Variants in TMEM266 observed in about 807,000 individuals in gnomAD.
TMEM266 encodes transmembrane protein 266.
In TMEM266, 33 loss-of-function variants were observed where a neutral mutation model predicts 50.5. That is an observed-to-expected ratio of 0.65 (90% CI 0.50 to 0.87). The LOEUF (loss-of-function observed/expected upper bound fraction) is 0.87, where lower values mean the gene tolerates loss of function less well. TMEM266 is among the 40% of genes least tolerant of loss of function. The pLI, the probability that TMEM266 is intolerant of heterozygous loss-of-function variation, is 0.00. For missense variants in TMEM266, 655 were observed against 695.1 expected (o/e 0.94, Z 0.65); for synonymous variants, 310 against 292.3 (o/e 1.06, Z -0.62).
At chr15:76,185,323 C>T (rs997811216) in intron 8 of TMEM266, among the ~76,000 whole-genome samples, 3 of 152,012 alleles carry the variant, frequency 2.0e-5, no homozygotes, top group Admixed American at 6.5e-5. Context: ...TCTCTCTCTC[C>T]CTGTCTCCTT....
rs970714069 is a variant in TMEM266, at chr15:76,160,298, G to A, written c.456+130G>A. On this transcript the variant is annotated intron_variant, in intron 5 of 10. Coordinates refer to ENST00000388942, the MANE Select transcript of TMEM266 (RefSeq NM_152335.3). The surrounding 1 kb of genome is among the most constrained non-coding windows in gnomAD (Gnocchi z 5.7). ...TAGCCCTTGAGGCTGCTGGGAGGGA[G>A]ACACAATATAGATAGATGATCTCTG... The A allele has an allele frequency of 9.7e-6, 9 of 928,922 alleles. No homozygotes were observed. Among genetic ancestry groups the A allele is most frequent in the Non-Finnish European group, 1.5e-5 (9 of 584,468 alleles). 57.5% of individuals were successfully genotyped at this position (928,922 alleles called of 1,614,324 possible).
chr15:76,194,291 T>C (rs747041689), intron 9 of TMEM266, among the ~76,000 whole-genome samples: 4 of 152,242 alleles, frequency 2.6e-5, no homozygotes, highest in Non-Finnish European at 5.9e-5. Context: ...CCATCGCCAA[T>C]TCCTGATTAG....
intron 7 of TMEM266, among the ~76,000 whole-genome samples, chr15:76,172,039 C>T (rs34154477): frequency 0.15 from 23,166 of 152,044 alleles, 2,374 homozygotes; most frequent in Admixed American, 0.27. Context: ...GAGGACAGGA[C>T]GAAGAGGCCC....
At chr15:76,102,382 G>A (rs1010456285) in intron 1 of TMEM266, among the ~76,000 whole-genome samples, 1 of 152,098 alleles carries the variant, frequency 6.6e-6, no homozygotes, top group African/African-American at 2.4e-5. Flanking sequence ...TGGGCGGGGT[G>A]GCTGCTATTT....
chr15:76,064,501 G>A (rs2036373939), intron 1 of TMEM266, among the ~76,000 whole-genome samples: 1 of 152,194 alleles, frequency 6.6e-6, no homozygotes, highest in South Asian at 2.1e-4. Flanking sequence ...ACTACACTGG[G>A]ATGCTAAAGG....
At chr15:76,108,152 C>A (rs1225089048) in intron 1 of TMEM266, among the ~76,000 whole-genome samples, 3 of 152,248 alleles carry the variant, frequency 2.0e-5, no homozygotes, top group Non-Finnish European at 4.4e-5. Flanking sequence ...CAGGGTCATG[C>A]TCTGTCGTGA....
At chr15:76,149,798 T>A (rs1284130420) in intron 3 of TMEM266, among the ~76,000 whole-genome samples, 1 of 152,226 alleles carries the variant, frequency 6.6e-6, no homozygotes, top group Admixed American at 6.5e-5. Context: ...ATTTGTAAAG[T>A]GCTCACAACA....
Position 76,137,763 on chromosome 15 carries a change from A to G in TMEM266, c.95A>G (p.Glu32Gly). ...GAGATCATCTCCCAACAAGTAGACG[A>G]AGAAACCAAGAGCATTGCTCCTGTG... Residue 32 changes from glutamate to glycine, a missense_variant, in exon 3 of 11, where the codon GAA (glutamate) becomes GGA (glycine). Physicochemically the swap from Glu to Gly is moderately conservative, Grantham distance 98. This residue lies in a region of TMEM266 where 99 missense variants were observed against 110.8 expected (regional missense o/e 0.89). Coordinates refer to ENST00000388942, the MANE Select transcript of TMEM266 (RefSeq NM_152335.3). 1 of 1,614,214 alleles carries G rather than the reference A, an allele frequency of 6.2e-7. No individual in the cohort carries two copies. Among genetic ancestry groups the G allele is most frequent in the Non-Finnish European group, 8.5e-7 (1 of 1,180,032 alleles).
chr15:76,113,853 G>A (rs1275082928), intron 1 of TMEM266: 3 of 151,982 alleles, frequency 2.0e-5, no homozygotes, highest in Non-Finnish European at 2.9e-5. Flanking sequence ...AACGTGCAGT[G>A]AGCTGAGATC....
chr15:76,121,659 C>T (rs1034050483), intron 1 of TMEM266, among the ~76,000 whole-genome samples: 3 of 152,270 alleles, frequency 2.0e-5, no homozygotes, highest in African/African-American at 4.8e-5. Context: ...TTAAGTGATC[C>T]GCCTGCCTCG....
At position 76,204,887 on chromosome 15, in the gene TMEM266, G is replaced by C. The variant is rs962559545; in HGVS notation, c.*572G>C. On this transcript the variant is annotated 3_prime_UTR_variant, in exon 11 of 11. Coordinates refer to ENST00000388942, the MANE Select transcript of TMEM266 (RefSeq NM_152335.3). Reference sequence around the variant, plus strand: ...TATAAAGGGATCAACCTAGAGGTGGGTGGGAGGGTCCTAGAGGGCAGGGGA... The same window carrying C: ...TATAAAGGGATCAACCTAGAGGTGGCTGGGAGGGTCCTAGAGGGCAGGGGA... The C allele has an allele frequency of 2.6e-5, 4 of 152,644 alleles. No homozygotes were observed. The highest frequency in any genetic ancestry group is 9.7e-5 in the African/African-American group (4 of 41,428). The allele number at this position is 152,644 out of a possible 1,614,324, so 9.5% of individuals were successfully genotyped here.
chr15:76,069,095 C>T (rs369166614), intron 1 of TMEM266, among the ~76,000 whole-genome samples: 1 of 152,168 alleles, frequency 6.6e-6, no homozygotes, highest in South Asian at 2.1e-4. Flanking sequence ...TTGCAAGGAT[C>T]AGTGACATAG....
In TMEM266 at chr15:76,107,001, G is replaced by A. The variant is rs1394577044; in HGVS notation, c.-96-27167G>A. 2.6e-5 allele frequency among the ~76,000 whole-genome samples: 4 copies of A among 152,128 alleles called. No homozygotes were observed. In the East Asian group the frequency reaches 5.8e-4, roughly 22 times the overall value. ...GTGGATGTTATCTTCCCAACCACAC[G>A]TAAACTCACAGAGCACAAGGACAGT... On this transcript the variant is annotated intron_variant, in intron 1 of 10. Coordinates refer to ENST00000388942, the MANE Select transcript of TMEM266 (RefSeq NM_152335.3).
In TMEM266 at chr15:76,153,717, A is replaced by C. The variant is rs1308213236; in HGVS notation, c.228-2887A>C. ...TGTGAAGGATGAAAATGGGGCTGGC[A>C]AAAGGGGAGGCAGGAATGTCACATC... is the stretch of plus-strand genomic sequence containing the variant. On this transcript the variant is annotated intron_variant, in intron 3 of 10. Transcript: ENST00000388942. The surrounding 1 kb of genome is among the most constrained non-coding windows in gnomAD (Gnocchi z 4.2). Among the ~76,000 whole-genome samples, 3 of 152,106 alleles carry C rather than the reference A, an allele frequency of 2.0e-5. No individual in the cohort carries two copies. Among genetic ancestry groups the C allele is most frequent in the African/African-American group, 7.2e-5 (3 of 41,432 alleles).
chr15:76,070,046 A>G (rs1376207721), intron 1 of TMEM266, among the ~76,000 whole-genome samples: 1 of 152,244 alleles, frequency 6.6e-6, no homozygotes, highest in Non-Finnish European at 1.5e-5. Flanking sequence ...GAAGTAGATC[A>G]GGAAGGAATG....
At chr15:76,115,476 T>C (rs1358395623) in intron 1 of TMEM266, among the ~76,000 whole-genome samples, 1 of 152,162 alleles carries the variant, frequency 6.6e-6, no homozygotes, top group Non-Finnish European at 1.5e-5. Flanking sequence ...CGCTCTCTGC[T>C]CTCTGGCTCC....
At chr15:76,149,502 C>T (rs2037806227) in intron 3 of TMEM266, among the ~76,000 whole-genome samples, 1 of 152,228 alleles carries the variant, frequency 6.6e-6, no homozygotes. Flanking sequence ...GACCGTGTAT[C>T]TAAATCATCA....
intron 1 of TMEM266, among the ~76,000 whole-genome samples, chr15:76,062,782 C>CT (rs932660846): frequency 4.6e-5 from 7 of 151,656 alleles, no homozygotes; most frequent in South Asian, 2.1e-4. Flanking sequence ...TTCTGGACTA[C>CT]TTTTTTTTTC....
chr15:76,135,983 G>T (rs2037582087), intron 2 of TMEM266, among the ~76,000 whole-genome samples: 1 of 148,220 alleles, frequency 6.7e-6, no homozygotes, highest in African/African-American at 2.5e-5. Context: ...CACTCTTGTT[G>T]CCCAGGCTGG....
Sources: allele counts gnomAD v4.1 joint callset (sites outside exome capture counted in the v4.1 genomes callset), GRCh38; gene constraint gnomAD v4.1.1; regional missense constraint gnomAD v4.1.1; non-coding constraint Gnocchi (gnomAD v3.1); transcripts MANE v1.5; gene names NCBI Gene and HGNC (gene_info 2026-07-23, HGNC 2026-07-21).